ING4: variants seen among roughly 807,000 people sequenced by gnomAD.
ING4 encodes inhibitor of growth protein 4.
Under a neutral mutation model 33.1 loss-of-function variants are expected in ING4, and 28 were observed. That is an observed-to-expected ratio of 0.85 (90% CI 0.63 to 1.16). ING4 has a LOEUF of 1.16. ING4 is among the 50% of genes most tolerant of loss of function. The pLI is 0.00. For missense variants in ING4, 247 were observed against 314.7 expected (o/e 0.78, Z 1.63); for synonymous variants, 87 against 104.4 (o/e 0.83, Z 1.02).
rs954493779 is a variant in ING4, at chr12:6,654,812, C to T, written c.110-1416G>A. On this transcript the variant is annotated intron_variant, in intron 2 of 7. Transcript: ENST00000341550. The stretch of plus-strand genomic sequence containing the variant: ...CGATCTTGGCTCACCTCAACCTCTG[C>T]CTCGTGGGTTCAAGGGATTCTCGTG... 9.9e-5 allele frequency among the ~76,000 whole-genome samples: 15 copies of T among 152,066 alleles called. 1 individual carries two copies. The highest frequency in any genetic ancestry group is 9.2e-4 in the Admixed American group (14 of 15,254).
chr12:6,651,459 T>A (rs1027832334), intron 6 of ING4, 74 bp from the exon 7 acceptor site: 28 of 1,273,780 alleles, frequency 2.2e-5, no homozygotes, highest in Non-Finnish European at 2.6e-5. Context: ...TCCAGATTCC[T>A]TAGGAACATC....
intron 5 of ING4, 60 bp from the exon 6 acceptor site, chr12:6,652,478 T>C: frequency 6.3e-7 from 1 of 1,574,916 alleles, no homozygotes; most frequent in Admixed American, 1.7e-5. Flanking sequence ...AGCCTGAGGC[T>C]TTCAGAGGTG....
rs1949207581 is a variant in ING4 at position 6,652,295 on chromosome 12, C to A, written c.621G>T (p.Glu207Asp). The A allele has an allele frequency of 6.2e-7, 1 of 1,613,714 alleles. No individual in the cohort carries two copies. The highest frequency in any genetic ancestry group is 1.7e-5 in the Admixed American group (1 of 59,920). The change falls in exon 6 of 8, where the codon GAG becomes GAT. Residue 207 changes from glutamate (E) to aspartate (D), a missense_variant. Physicochemically the swap from Glu to Asp is conservative, Grantham distance 45. This residue lies in a region of ING4 where 11 missense variants were observed against 43.8 expected (regional missense o/e 0.25). Coordinates refer to ENST00000341550, the MANE Select transcript of ING4 (RefSeq NM_016162.4). ...YCLCHQVSYG[E>D]MIGCDNPDCS... is the part of the protein sequence containing the mutation. The stretch of plus-strand genomic sequence containing the variant: ...CATCAGGGTTGTCACAGCCAATCAT[C>A]TCTCCATAGGAGACCTGGTGACAAA...
chr12:6,657,102 C>T (rs575402385), intron 1 of ING4, among the ~76,000 whole-genome samples: 5 of 151,558 alleles, frequency 3.3e-5, no homozygotes, highest in African/African-American at 7.3e-5. Flanking sequence ...TGCAGTGAGC[C>T]GTGATTGAGC....
intron 2 of ING4, among the ~76,000 whole-genome samples, chr12:6,654,747 C>A (rs534776606): frequency 1.3e-5 from 2 of 151,838 alleles, no homozygotes; most frequent in African/African-American, 4.8e-5. Context: ...TGTTTTGAGA[C>A]GGAGTCACGC....
rs140970573 is a variant in ING4, at chr12:6,656,760, G to T, written c.76C>A (p.Gln26Lys). 1 of 1,575,552 alleles carries T rather than the reference G, an allele frequency of 6.3e-7. No individual in the cohort carries two copies. Among genetic ancestry groups the T allele is most frequent in the African/African-American group, 1.4e-5 (1 of 72,338 alleles). ...CTTTGGTCTAGGTCCCTCATGAGCT[G>T]AAAGTTTCTCTGTAATTCAAAGGGA... ...NLPFELQRNF[Q>K]LMRDLDQRTE... The change falls in exon 2 of 8, where the codon CAG (glutamine) becomes AAG (lysine). Residue 26 changes from glutamine (Q) to lysine (K), a missense_variant. This residue lies in a region of ING4 where 198 missense variants were observed against 221.2 expected (regional missense o/e 0.89). Coordinates refer to ENST00000341550, the MANE Select transcript of ING4 (RefSeq NM_016162.4).
At position 6,650,772 on chromosome 12, in the gene ING4, T is replaced by C. The variant is rs14542; in HGVS notation, c.*423A>G. 0.024 allele frequency: 4,115 copies of C among 171,824 alleles called. 194 individuals are homozygous for C. The highest frequency in any genetic ancestry group is 0.092 in the African/African-American group (3,878 of 42,246). 10.6% of individuals were successfully genotyped at this position (171,824 alleles called of 1,614,324 possible). A position where few individuals can be genotyped will look rare whatever the true frequency, so the allele number is the denominator to read the frequency against. ...CACCATGAAAAAAGCAGGAAGGGAATGGAGAAGAAAAGTGTTGATCACACC... is the reference window on the plus strand; with the variant it reads ...CACCATGAAAAAAGCAGGAAGGGAACGGAGAAGAAAAGTGTTGATCACACC... On this transcript the variant is annotated 3_prime_UTR_variant, in exon 8 of 8. Transcript: ENST00000341550.
Position 6,652,718 on chromosome 12 carries a change from T to C in ING4, c.441A>G (p.Lys147=), listed in dbSNP as rs999134775. 2.5e-6 allele frequency: 4 copies of C among 1,614,130 alleles called. No individual in the cohort carries two copies. Among genetic ancestry groups the C allele is most frequent in the Admixed American group, 3.3e-5 (2 of 60,012 alleles). ...TCTTGGGGGCTTCTTCATCCGAGTT[T>C]TTCCCTTTGGAACGAGCACGAGCAG... The part of the protein sequence containing the change: ...KKAARARSKG[K]NSDEEAPKTA... Residue 147 remains lysine, a synonymous_variant, in exon 5 of 8, where the codon AAA becomes AAG. Coordinates refer to ENST00000341550, the MANE Select transcript of ING4 (RefSeq NM_016162.4).
chr12:6,652,157 G>T, intron 6 of ING4, 114 bp downstream of exon 6: 1 of 1,288,828 alleles, frequency 7.8e-7, no homozygotes, highest in Non-Finnish European at 1.1e-6. Flanking sequence ...ACTACGTCCA[G>T]CCCATCTTTC....
Position 6,652,779 on chromosome 12 carries a change from G to C in ING4, c.392-12C>G. 6.2e-7 allele frequency: 1 copy of C among 1,612,930 alleles called. No individual in the cohort carries two copies. Among genetic ancestry groups the C allele is most frequent in the East Asian group, 2.2e-5 (1 of 44,878 alleles). Reference sequence around the variant, plus strand: ...CTTTTGAGTCCGGCCTTCTAGGGAAGAGGGAGAAAGCCAGAAGGCAGGGAG... The same window carrying C: ...CTTTTGAGTCCGGCCTTCTAGGGAACAGGGAGAAAGCCAGAAGGCAGGGAG... On this transcript the variant is annotated splice_polypyrimidine_tract_variant and intron_variant, in intron 4 of 7. Transcript: ENST00000341550.
intron 2 of ING4, among the ~76,000 whole-genome samples, chr12:6,653,799 G>A (rs1949261370): frequency 6.6e-6 from 1 of 152,168 alleles, no homozygotes; most frequent in South Asian, 2.1e-4. Context: ...CCGCAAATCA[G>A]GCTGAGTCAT....
At chr12:6,657,219 G>A (rs183488268) in intron 1 of ING4, among the ~76,000 whole-genome samples, 1 of 152,166 alleles carries the variant, frequency 6.6e-6, no homozygotes, top group Non-Finnish European at 1.5e-5. Flanking sequence ...GGAGGCCGAG[G>A]AGAGCAGATC....
At chr12:6,656,617 A>C in intron 2 of ING4, 110 bp downstream of exon 2, 1 of 696,780 alleles carries the variant, frequency 1.4e-6, no homozygotes, top group Non-Finnish European at 2.5e-6. Context: ...AAAAGGAGCG[A>C]GAGAAGCCAC....
chr12:6,652,274 AG>A lies in ING4; in HGVS notation c.641del (p.Pro214LeufsTer15). 1 of 1,613,800 alleles carries A rather than the reference AG, an allele frequency of 6.2e-7. No homozygotes were observed. On this transcript the variant is annotated frameshift_variant, in exon 6 of 8. Coordinates refer to ENST00000341550, the MANE Select transcript of ING4 (RefSeq NM_016162.4). LOFTEE classifies it high-confidence loss of function. ...CCTAAGGCAAAATGTTTCTCACATC[AG>A]GGTTGTCACAGCCAATCATCTCTCC... ...SYGEMIGCDN[P>X]DCSIEWFHFA...
intron 1 of ING4, among the ~76,000 whole-genome samples, chr12:6,659,954 C>CA (rs1472587059): frequency 2.6e-5 from 4 of 151,756 alleles, no homozygotes; most frequent in Admixed American, 6.6e-5. Context: ...TTTCAAAAAA[C>CA]AAAAAAATTA....
chr12:6,651,762 G>A (rs748647234), intron 6 of ING4, among the ~76,000 whole-genome samples: 32 of 151,224 alleles, frequency 2.1e-4, no homozygotes, highest in Non-Finnish European at 3.8e-4. Flanking sequence ...GGCCAGTCTC[G>A]AACTCCTGAT....
At chr12:6,652,589 C>T (rs923366317) in intron 5 of ING4, 73 bp downstream of exon 5, 38 of 1,429,340 alleles carry the variant, frequency 2.7e-5, no homozygotes, top group Admixed American at 7.0e-5. Flanking sequence ...CGGCAGGGGG[C>T]GGTGCAGGCT....
intron 2 of ING4, chr12:6,655,527 G>T: frequency 1.1e-6 from 1 of 871,484 alleles, no homozygotes; most frequent in Non-Finnish European, 1.4e-6. Flanking sequence ...CTTCATTCCA[G>T]GCTCTTGGAA....
intron 2 of ING4, among the ~76,000 whole-genome samples, chr12:6,656,080 A>G (rs1425501821): frequency 6.6e-6 from 1 of 152,212 alleles, no homozygotes; most frequent in Non-Finnish European, 1.5e-5. Context: ...AGTAACATTA[A>G]CAATGAGAGA....
Sources: gnomAD v4.1 joint callset for allele counts (sites outside exome capture counted in the v4.1 genomes callset) on GRCh38, gnomAD v4.1.1 for gene constraint, gnomAD v4.1.1 regional missense constraint, MANE v1.5 for transcripts, NCBI Gene and HGNC (gene_info 2026-07-23, HGNC 2026-07-21) for gene names.